The following ATP2B2 variants were observed in gnomAD, a reference collection of about 807,000 sequenced individuals.
ATP2B2 encodes the protein plasma membrane calcium-transporting ATPase 2.
A neutral mutation model predicts 120.0 loss-of-function variants in ATP2B2; 15 were observed. The observed-to-expected ratio is 0.12, with a 90% CI of 0.08 to 0.19. ATP2B2 has a LOEUF of 0.19. Ranked by LOEUF, ATP2B2 falls within the 10% of genes least tolerant of loss-of-function variation. The pLI is 1.00. For missense variants in ATP2B2, 1,045 were observed against 1,719.8 expected, an observed-to-expected ratio of 0.61 and a Z score of 6.94; for synonymous variants, 694 against 700.3, an observed-to-expected ratio of 0.99 and a Z score of 0.14.
chr3:10,330,409 G>A (rs1369893191), intron 22 of ATP2B2: 1 of 152,910 alleles, frequency 6.5e-6, no homozygotes, highest in African/African-American at 2.4e-5. Context: ...TTGGAAGAGA[G>A]GTGTCCCTTC....
At chr3:10,373,243 T>C (rs1265156238) in intron 11 of ATP2B2, among the ~76,000 whole-genome samples, 1 of 152,238 alleles carries the variant, frequency 6.6e-6, no homozygotes, top group Non-Finnish European at 1.5e-5. Flanking sequence ...GTAATCCATT[T>C]TGGCAACTGA....
chr3:10,544,968 C>T (rs2125501502), intron 2 of ATP2B2, among the ~76,000 whole-genome samples: 1 of 152,302 alleles, frequency 6.6e-6, no homozygotes, highest in East Asian at 1.9e-4. Context: ...GAGCCAAACC[C>T]TGGAAACAAC....
At chr3:10,479,858 G>C (rs1001862960) in intron 1 of ATP2B2, among the ~76,000 whole-genome samples, 7 of 152,154 alleles carry the variant, frequency 4.6e-5, no homozygotes, top group African/African-American at 1.2e-4. Context: ...CACTTTAGGA[G>C]GCCAAGGTGA....
chr3:10,700,248 G>C (rs1185274681), intron 1 of ATP2B2, among the ~76,000 whole-genome samples: 1 of 151,954 alleles, frequency 6.6e-6, no homozygotes, highest in Non-Finnish European at 1.5e-5. Context: ...CGTTCACATT[G>C]CACAGGAATC....
In ATP2B2 at chr3:10,522,218, C is replaced by T. The variant is rs574229138; in HGVS notation, c.-320+11821G>A. Among the ~76,000 whole-genome samples, 106 of 152,320 alleles carry T rather than the reference C, an allele frequency of 7.0e-4. No individual in the cohort carries two copies. In the South Asian group the frequency reaches 0.021, roughly 31 times the overall value. On this transcript the variant is annotated intron_variant, in intron 3 of 21. Coordinates refer to the ATP2B2 transcript ENST00000646379. ...CTCGTGGTCCCGTGTATGTGTACTG[C>T]TGTGCCCTATTTGAGGAGGCTTCCT... is the stretch of plus-strand genomic sequence containing the variant.
chr3:10,654,912 T>C (rs938934806), intron 1 of ATP2B2, among the ~76,000 whole-genome samples: 6 of 152,076 alleles, frequency 3.9e-5, no homozygotes, highest in African/African-American at 7.2e-5. Flanking sequence ...AGAAATACTA[T>C]CGCAGTGACT....
chr3:10,700,240 T>C (rs759751818), intron 1 of ATP2B2, among the ~76,000 whole-genome samples: 1 of 152,026 alleles, frequency 6.6e-6, no homozygotes, highest in Non-Finnish European at 1.5e-5. Flanking sequence ...AACAAACTCG[T>C]TCACATTGCA....
intron 1 of ATP2B2, among the ~76,000 whole-genome samples, chr3:10,487,436 G>T (rs58390221): frequency 0.081 from 12,294 of 152,258 alleles, 595 homozygotes; most frequent in Middle Eastern, 0.12. Context: ...CTTACCTTAG[G>T]ATCTCCACTG....
chr3:10,428,090 T>G (rs531950704), intron 2 of ATP2B2, among the ~76,000 whole-genome samples: 1 of 152,362 alleles, frequency 6.6e-6, no homozygotes, highest in Non-Finnish European at 1.5e-5. Flanking sequence ...TTTGCCTTGA[T>G]GCTGGGCTCA....
chr3:10,337,543 C>T (rs961523879), intron 22 of ATP2B2, among the ~76,000 whole-genome samples: 8 of 152,138 alleles, frequency 5.3e-5, no homozygotes, highest in East Asian at 1.9e-4. Context: ...TCGTGTGCCA[C>T]GTGGCAGCCA....
chr3:10,458,230 A>G (rs2064347860), intron 1 of ATP2B2, among the ~76,000 whole-genome samples: 1 of 152,084 alleles, frequency 6.6e-6, no homozygotes, highest in African/African-American at 2.4e-5. Context: ...GGGCACTGGG[A>G]CTATGAGGAG....
chr3:10,440,510 C>T (rs2063628271), intron 2 of ATP2B2, among the ~76,000 whole-genome samples: 1 of 152,194 alleles, frequency 6.6e-6, no homozygotes, highest in Admixed American at 6.5e-5. Context: ...CTGTTCTAGG[C>T]TCCAGGCACA....
At chr3:10,379,951 A>G (rs1022564048) in intron 8 of ATP2B2, among the ~76,000 whole-genome samples, 1 of 152,138 alleles carries the variant, frequency 6.6e-6, no homozygotes, top group Non-Finnish European at 1.5e-5. Context: ...TGCCCCTGAG[A>G]GTGACCAGAA....
chr3:10,336,320 G>A (rs755738765), intron 22 of ATP2B2: 15 of 1,548,374 alleles, frequency 9.7e-6, no homozygotes, highest in South Asian at 2.4e-5. Flanking sequence ...AGGAGAGAAC[G>A]AGACAAGTTG....
rs772009981 is a variant in ATP2B2, at chr3:10,410,652, C to T, written c.363G>A (p.Leu121=). 1 of 1,610,798 alleles carries T rather than the reference C, an allele frequency of 6.2e-7. No individual in the cohort carries two copies. Among genetic ancestry groups the T allele is most frequent in the Non-Finnish European group, 8.5e-7 (1 of 1,177,298 alleles). The part of the protein sequence containing the change: ...LEIAAIISLG[L]SFYHPPGEGN... Reference sequence around the variant, plus strand: ...CCTCGCCGGGCGGGTGGTAGAAGGACAGCCCCAGGGAGATGATGGCGGCAA... The same window carrying T: ...CCTCGCCGGGCGGGTGGTAGAAGGATAGCCCCAGGGAGATGATGGCGGCAA... The change falls in exon 3 of 23, where the codon CTG becomes CTA. Residue 121 remains leucine (L), a synonymous_variant. Transcript: ENST00000360273.
chr3:10,459,525 C>T (rs75258856), intron 1 of ATP2B2, among the ~76,000 whole-genome samples: 3,505 of 152,344 alleles, frequency 0.023, 73 homozygotes, highest in South Asian at 0.035. Context: ...TCTTTCCCTA[C>T]TGCTGCACTG....
intron 8 of ATP2B2, among the ~76,000 whole-genome samples, chr3:10,383,646 C>A (rs2061592924): frequency 6.6e-6 from 1 of 152,200 alleles, no homozygotes; most frequent in Non-Finnish European, 1.5e-5. Flanking sequence ...GTGTCTTGGT[C>A]TCCTTGAGCC....
intron 2 of ATP2B2, among the ~76,000 whole-genome samples, chr3:10,540,282 T>C (rs1263941570): frequency 6.6e-6 from 1 of 152,228 alleles, no homozygotes; most frequent in Non-Finnish European, 1.5e-5. Flanking sequence ...GACTGTAAAC[T>C]AGTTCAACCA....
Position 10,427,598 on chromosome 3 carries a change from C to CT in ATP2B2, c.200-16784dup, listed in dbSNP as rs568760924. On this transcript the variant is annotated intron_variant, in intron 2 of 22. Coordinates refer to ENST00000360273, the MANE Select transcript of ATP2B2 (RefSeq NM_001001331.4). ...TTATTAAACAGGCATTTTGAGATTG[C>CT]TGCATCCAAAATATCAGGTATGTGG... Among the ~76,000 whole-genome samples, 20 of 152,346 alleles carry CT rather than the reference C, an allele frequency of 1.3e-4. No homozygotes were observed. In the South Asian group the frequency reaches 1.5e-3, roughly 11 times the overall value.
Sources: allele counts gnomAD v4.1 joint callset (sites outside exome capture counted in the v4.1 genomes callset), GRCh38; gene constraint gnomAD v4.1.1; transcripts MANE v1.5; gene names NCBI Gene and HGNC (gene_info 2026-07-23, HGNC 2026-07-21).